ALK: variants seen among roughly 807,000 people sequenced by gnomAD.
The protein encoded by ALK is ALK receptor tyrosine kinase.
In ALK, 74 loss-of-function variants were observed where a neutral mutation model predicts 163.1. That is an observed-to-expected ratio of 0.45 (90% CI 0.38 to 0.55). The LOEUF (loss-of-function observed/expected upper bound fraction) is 0.55, where lower values mean the gene tolerates loss of function less well. ALK is among the 20% of genes least tolerant of loss of function. The pLI is 0.00. For synonymous variants in ALK, 960 were observed against 843.2 expected, an observed-to-expected ratio of 1.14 and a Z score of -2.40; for missense variants, 2,063 against 2,105.3, an observed-to-expected ratio of 0.98 and a Z score of 0.39.
At chr2:29,733,894 T>C (rs1223441059) in intron 1 of ALK, among the ~76,000 whole-genome samples, 1 of 152,020 alleles carries the variant, frequency 6.6e-6, no homozygotes, top group South Asian at 2.1e-4. Flanking sequence ...CCATGGGACA[T>C]TGGACCTGCT....
At chr2:29,297,532 A>G (rs1666230294) in intron 8 of ALK, among the ~76,000 whole-genome samples, 1 of 152,176 alleles carries the variant, frequency 6.6e-6, no homozygotes. Flanking sequence ...GACTCTAATA[A>G]TCTCATTTGA....
At chr2:29,683,641 C>G (rs889855028) in intron 3 of ALK, among the ~76,000 whole-genome samples, 1 of 152,166 alleles carries the variant, frequency 6.6e-6, no homozygotes, top group African/African-American at 2.4e-5. Flanking sequence ...ATTACTGCCT[C>G]AGGTGAGGGC....
intron 3 of ALK, among the ~76,000 whole-genome samples, chr2:29,575,555 C>T (rs1217303953): frequency 1.3e-5 from 2 of 152,118 alleles, no homozygotes. Context: ...ATTTATCTTG[C>T]TAGGGGGAAA....
intron 3 of ALK, among the ~76,000 whole-genome samples, chr2:29,569,324 T>C (rs1309582489): frequency 2.0e-5 from 3 of 152,120 alleles, no homozygotes; most frequent in Non-Finnish European, 2.9e-5. Context: ...GCAGCAATGA[T>C]TAACACCTAG....
chr2:29,502,303 TAC>T (rs1309779706), intron 4 of ALK, among the ~76,000 whole-genome samples: 1 of 152,214 alleles, frequency 6.6e-6, no homozygotes, highest in Non-Finnish European at 1.5e-5. Context: ...CAGAGCTTTG[TAC>T]AGAGTTAATG....
chr2:29,606,508 G>C (rs1172728964), intron 3 of ALK, among the ~76,000 whole-genome samples: 1 of 152,232 alleles, frequency 6.6e-6, no homozygotes, highest in African/African-American at 2.4e-5. Context: ...CTGCCAAAGA[G>C]AGGTAAGTAG....
At chr2:29,821,625 G>A (rs1027844085) in intron 1 of ALK, among the ~76,000 whole-genome samples, 2 of 152,080 alleles carry the variant, frequency 1.3e-5, no homozygotes, top group African/African-American at 4.8e-5. Context: ...CCTGATGAAG[G>A]GCATCTGTAG....
intron 8 of ALK, among the ~76,000 whole-genome samples, chr2:29,315,349 T>C (rs1332542376): frequency 6.6e-6 from 1 of 152,090 alleles, no homozygotes; most frequent in Non-Finnish European, 1.5e-5. Context: ...GCCTCCATCA[T>C]GGGGGGCTCC....
rs189535425 is a variant in ALK at position 29,268,746 on chromosome 2, G to A, written c.2041+6353C>T. Among the ~76,000 whole-genome samples, 166 of 152,286 alleles carry A rather than the reference G, an allele frequency of 1.1e-3. 1 individual carries two copies. Among genetic ancestry groups the A allele is most frequent in the South Asian group, 4.1e-3 (20 of 4,826 alleles). On this transcript the variant is annotated intron_variant, in intron 11 of 28. Coordinates refer to ENST00000389048, the MANE Select transcript of ALK (RefSeq NM_004304.5). Reference sequence around the variant, plus strand: ...CAGTATTTAGTATTGTTCCTAACAGGCATGGGCTTAGAGTTGGAAAGACTT... The same window carrying A: ...CAGTATTTAGTATTGTTCCTAACAGACATGGGCTTAGAGTTGGAAAGACTT...
At position 29,478,661 on chromosome 2, in the gene ALK, T is replaced by C. The variant is rs193160791; in HGVS notation, c.1154+53254A>G. ...GTTTACACTGCCAGGTGATTGAGGATTGATGCCGATCTGTATCAACGATGA... is the reference window on the plus strand; with the variant it reads ...GTTTACACTGCCAGGTGATTGAGGACTGATGCCGATCTGTATCAACGATGA... On this transcript the variant is annotated intron_variant, in intron 4 of 28. Coordinates refer to ENST00000389048, the MANE Select transcript of ALK (RefSeq NM_004304.5). Among the ~76,000 whole-genome samples the C allele has an allele frequency of 7.2e-4, 110 of 152,340 alleles. 2 individuals are homozygous for C. The highest frequency in any genetic ancestry group is 5.9e-3 in the Admixed American group (91 of 15,310).
intron 2 of ALK, among the ~76,000 whole-genome samples, chr2:29,706,634 A>G (rs934996879): frequency 3.3e-5 from 5 of 152,232 alleles, no homozygotes; most frequent in Non-Finnish European, 7.3e-5. Context: ...CTCAGAGGGC[A>G]GTGTGTGTGC....
At chr2:29,716,877 G>T (rs565301819) in intron 2 of ALK, among the ~76,000 whole-genome samples, 1 of 151,582 alleles carries the variant, frequency 6.6e-6, no homozygotes, top group African/African-American at 2.4e-5. Context: ...GGGCACGGTG[G>T]CTCACTCCTG....
intron 4 of ALK, among the ~76,000 whole-genome samples, chr2:29,417,601 G>A (rs934200441): frequency 2.6e-5 from 4 of 152,210 alleles, no homozygotes; most frequent in Non-Finnish European, 4.4e-5. Flanking sequence ...CACATGGCTA[G>A]TGAGTGAAAG....
At chr2:29,734,576 A>G (rs1277277511) in intron 1 of ALK, among the ~76,000 whole-genome samples, 3 of 152,152 alleles carry the variant, frequency 2.0e-5, no homozygotes, top group Non-Finnish European at 4.4e-5. Flanking sequence ...ATGCTCAAAA[A>G]GAAAAATAAT....
chr2:29,612,249 G>A (rs1675715247), intron 3 of ALK, among the ~76,000 whole-genome samples: 1 of 152,150 alleles, frequency 6.6e-6, no homozygotes, highest in Non-Finnish European at 1.5e-5. Context: ...TTTTGAAAAT[G>A]AAAAAGTTTA....
intron 3 of ALK, among the ~76,000 whole-genome samples, chr2:29,656,886 A>G (rs1227024852): frequency 6.6e-6 from 1 of 152,178 alleles, no homozygotes; most frequent in Non-Finnish European, 1.5e-5. Context: ...GGGAAAAAAA[A>G]CTGTTCAAAG....
At chr2:29,776,836 G>C (rs550219856) in intron 1 of ALK, among the ~76,000 whole-genome samples, 1 of 152,174 alleles carries the variant, frequency 6.6e-6, no homozygotes, top group East Asian at 1.9e-4. Context: ...GAAAAAACAA[G>C]CCCAAACCCC....
At chr2:29,276,745 A>G (rs1348165554) in intron 9 of ALK, among the ~76,000 whole-genome samples, 5 of 152,224 alleles carry the variant, frequency 3.3e-5, no homozygotes, top group Non-Finnish European at 4.4e-5. Flanking sequence ...AAGACCGCCT[A>G]TTGAATGATT....
rs948853169 is a variant in ALK at position 29,515,352 on chromosome 2, G to A, written c.1154+16563C>T. On this transcript the variant is annotated intron_variant, in intron 4 of 28. Coordinates refer to ENST00000389048, the MANE Select transcript of ALK (RefSeq NM_004304.5). ...GTATATATTTCACTCTCTAGCATGT[G>A]AGCTTCCTGAGGATAGTGACTGTTT... Among the ~76,000 whole-genome samples, 3 of 152,154 alleles carry A rather than the reference G, an allele frequency of 2.0e-5. No individual in the cohort carries two copies. In the East Asian group the frequency reaches 5.8e-4, roughly 29 times the overall value.
Sources: gnomAD v4.1 joint callset for allele counts (sites outside exome capture counted in the v4.1 genomes callset) on GRCh38, gnomAD v4.1.1 for gene constraint, MANE v1.5 for transcripts, NCBI Gene and HGNC (gene_info 2026-07-23, HGNC 2026-07-21) for gene names.